Variants in MGAT4C observed in about 807,000 individuals in gnomAD.
MGAT4C encodes the protein MGAT4 family member C.
Under a neutral mutation model 40.1 loss-of-function variants are expected in MGAT4C, and 19 were observed. The observed-to-expected ratio is 0.47, with a 90% confidence interval of 0.33 to 0.70. MGAT4C has a LOEUF of 0.70. Ranked by LOEUF, MGAT4C falls within the 30% of genes least tolerant of loss-of-function variation. The pLI is 0.02. For synonymous variants in MGAT4C, 181 were observed against 187.1 expected, an observed-to-expected ratio of 0.97 and a Z score of 0.27; for missense variants, 491 against 563.2, an observed-to-expected ratio of 0.87 and a Z score of 1.30.
intron 1 of MGAT4C, among the ~76,000 whole-genome samples, chr12:86,071,619 T>C (rs1868487902): frequency 6.6e-6 from 1 of 152,124 alleles, no homozygotes; most frequent in Admixed American, 6.6e-5. Context: ...AATGATTTCT[T>C]TTAACATCAG....
chr12:86,821,092 G>A (rs1188071808), intron 1 of MGAT4C, among the ~76,000 whole-genome samples: 2 of 150,854 alleles, frequency 1.3e-5, no homozygotes, highest in Admixed American at 6.6e-5. Context: ...TGTAAACAAG[G>A]CATTCAAGAA....
intron 2 of MGAT4C, among the ~76,000 whole-genome samples, chr12:86,453,080 G>A (rs1431600901): frequency 6.6e-6 from 1 of 152,130 alleles, no homozygotes; most frequent in African/African-American, 2.4e-5. Context: ...GAAAGTCTGA[G>A]AAAGTTATTT....
chr12:86,284,268 A>T (rs1435912563), intron 4 of MGAT4C, among the ~76,000 whole-genome samples: 2 of 151,894 alleles, frequency 1.3e-5, no homozygotes, highest in Non-Finnish European at 2.9e-5. Flanking sequence ...GTCTTCTGAG[A>T]TGAATGTTTA....
At position 86,233,359 on chromosome 12, in the gene MGAT4C, A is replaced by T. The variant is rs988519031; in HGVS notation, c.-57+22880T>A. On this transcript the variant is annotated intron_variant, in intron 1 of 4. Coordinates refer to ENST00000611864, the MANE Select transcript of MGAT4C (RefSeq NM_001351288.2). ...CAGTACTTAACACATTTAAATCAAA[A>T]CCAATATTATAGGCTAGCAGACACT... Among the ~76,000 whole-genome samples the T allele has an allele frequency of 7.9e-5, 12 of 152,300 alleles. No individual in the cohort carries two copies. In the East Asian group the frequency reaches 2.1e-3, roughly 27 times the overall value.
intron 1 of MGAT4C, among the ~76,000 whole-genome samples, chr12:86,186,299 C>G (rs1458460614): frequency 6.6e-6 from 1 of 152,098 alleles, no homozygotes; most frequent in Non-Finnish European, 1.5e-5. Flanking sequence ...TAGCACCAAT[C>G]CCAAAGTCAC....
intron 2 of MGAT4C, among the ~76,000 whole-genome samples, chr12:86,515,047 C>A (rs1380756157): frequency 1.2e-4 from 19 of 152,040 alleles, no homozygotes; most frequent in Non-Finnish European, 5.9e-5. Flanking sequence ...GTTCTTTGAG[C>A]AGAAATGAAA....
At chr12:86,595,311 A>C (rs2136453228) in intron 2 of MGAT4C, among the ~76,000 whole-genome samples, 1 of 152,208 alleles carries the variant, frequency 6.6e-6, no homozygotes, top group Admixed American at 6.6e-5. Context: ...TGGGAGGATA[A>C]CCTGAGGTCA....
At chr12:86,711,763 C>T (rs998194391) in intron 2 of MGAT4C, among the ~76,000 whole-genome samples, 2 of 152,110 alleles carry the variant, frequency 1.3e-5, no homozygotes, top group African/African-American at 4.8e-5. Context: ...TAATATGTCT[C>T]ATATTTGTGT....
At chr12:86,433,243 G>C (rs1320444671) in intron 3 of MGAT4C, among the ~76,000 whole-genome samples, 1 of 150,764 alleles carries the variant, frequency 6.6e-6, no homozygotes, top group Non-Finnish European at 1.5e-5. Flanking sequence ...ACAATGAAAG[G>C]AAAAAAACAC....
chr12:86,595,481 A>G (rs1961499842), intron 2 of MGAT4C, among the ~76,000 whole-genome samples: 1 of 151,594 alleles, frequency 6.6e-6, no homozygotes, highest in South Asian at 2.1e-4. Flanking sequence ...CAGTGAGCAG[A>G]GATTGTACCA....
rs1014496400 is a variant in MGAT4C at position 86,303,904 on chromosome 12, T to A, written c.-57+30161A>T. 6.0e-5 allele frequency among the ~76,000 whole-genome samples: 9 copies of A among 150,582 alleles called. 3 individuals are homozygous for A. Among genetic ancestry groups the A allele is most frequent in the African/African-American group, 1.8e-4 (7 of 39,950 alleles). ...CTCTCTCTGTCTTCGTCTGTGTGTC[T>A]CTTTCTCTCTCCCTCTCCTTTCTCT... On this transcript the variant is annotated intron_variant, in intron 4 of 7. Coordinates refer to the MGAT4C transcript ENST00000548651.
At chr12:86,619,215 A>G (rs116391889) in intron 2 of MGAT4C, among the ~76,000 whole-genome samples, 1,945 of 152,224 alleles carry the variant, frequency 0.013, 44 homozygotes, top group African/African-American at 0.042. Context: ...CAGAACAACT[A>G]TATCTCTATA....
At chr12:86,611,343 TGATA>T (rs1200726670) in intron 2 of MGAT4C, among the ~76,000 whole-genome samples, 2 of 151,708 alleles carry the variant, frequency 1.3e-5, no homozygotes, top group Non-Finnish European at 2.9e-5. Flanking sequence ...CACACACGTA[TGATA>T]GATAGACAGG....
rs758753710 is a variant in MGAT4C at position 85,971,200 on chromosome 12, T to A, written c.*8089A>T. 6.6e-6 allele frequency: 1 copy of A among 151,294 alleles called. No individual in the cohort carries two copies. The highest frequency in any genetic ancestry group is 1.5e-5 in the Non-Finnish European group (1 of 67,406). 9.4% of individuals were successfully genotyped at this position (151,294 alleles called of 1,614,324 possible). A position where few individuals can be genotyped will look rare whatever the true frequency, so the allele number is the denominator to read the frequency against. On this transcript the variant is annotated 3_prime_UTR_variant, in exon 5 of 5. Transcript: ENST00000611864. ...TAATTAAACAAATTTCACTTTCTTCTTATAAAAGAAAATAATTTTTATGGT... is the reference window on the plus strand; with the variant it reads ...TAATTAAACAAATTTCACTTTCTTCATATAAAAGAAAATAATTTTTATGGT...
At chr12:86,187,384 A>G (rs954162716) in intron 1 of MGAT4C, among the ~76,000 whole-genome samples, 1 of 152,068 alleles carries the variant, frequency 6.6e-6, no homozygotes, top group African/African-American at 2.4e-5. Flanking sequence ...CTGAATCTTA[A>G]TGAACTTATA....
chr12:86,829,479 T>C (rs982001485), intron 1 of MGAT4C, among the ~76,000 whole-genome samples: 1 of 151,562 alleles, frequency 6.6e-6, no homozygotes, highest in Non-Finnish European at 1.5e-5. Flanking sequence ...TACTTAAAAC[T>C]TTCTACAAAA....
At chr12:86,604,955 C>A (rs755923531) in intron 2 of MGAT4C, among the ~76,000 whole-genome samples, 28 of 152,092 alleles carry the variant, frequency 1.8e-4, no homozygotes, top group Non-Finnish European at 3.8e-4. Flanking sequence ...CAGAAGAATT[C>A]TCCTTTGGGA....
At chr12:86,503,896 G>T (rs960542020) in intron 2 of MGAT4C, among the ~76,000 whole-genome samples, 1 of 144,616 alleles carries the variant, frequency 6.9e-6, no homozygotes, top group African/African-American at 2.5e-5. Context: ...AAAATCCACA[G>T]TTGGAAAAGA....
chr12:86,737,058 C>T (rs1163902339), intron 1 of MGAT4C, among the ~76,000 whole-genome samples: 1 of 149,662 alleles, frequency 6.7e-6, no homozygotes, highest in Non-Finnish European at 1.5e-5. Context: ...GACAAATTAT[C>T]TTGGCCCACT....
Sources: allele counts gnomAD v4.1 joint callset (sites outside exome capture counted in the v4.1 genomes callset), GRCh38; gene constraint gnomAD v4.1.1; transcripts MANE v1.5; gene names NCBI Gene and HGNC (gene_info 2026-07-23, HGNC 2026-07-21).